SCN8A: variants seen among roughly 807,000 people sequenced by gnomAD.
SCN8A encodes the protein sodium channel protein type 8 subunit alpha.
Under a neutral mutation model 184.1 loss-of-function variants are expected in SCN8A, and 30 were observed. The ratio of observed to expected loss-of-function variants is 0.16; its 90% CI spans 0.12 to 0.22. SCN8A has a LOEUF of 0.22. SCN8A is among the 10% of genes least tolerant of loss of function. The pLI, the probability that SCN8A is intolerant of heterozygous loss-of-function variation, is 1.00. For missense variants in SCN8A, 1,057 were observed against 2,498.9 expected, an observed-to-expected ratio of 0.42 and a Z score of 12.30; for synonymous variants, 852 against 907.0, an observed-to-expected ratio of 0.94 and a Z score of 1.09.
At chr12:51,770,346 C>A in intron 18 of SCN8A, 183 bp from the exon 19 acceptor site, 1 of 672,752 alleles carries the variant, frequency 1.5e-6, no homozygotes, top group Non-Finnish European at 2.5e-6. Context: ...GCCCCATTAG[C>A]CTTTGCAGCA....
chr12:51,698,395 G>C (rs1172265144), intron 6 of SCN8A, among the ~76,000 whole-genome samples: 1 of 152,230 alleles, frequency 6.6e-6, no homozygotes, highest in Non-Finnish European at 1.5e-5. Flanking sequence ...CTTGCCTTCA[G>C]AAGTGAGCAG....
At chr12:51,637,246 C>G (rs1340962641) in intron 1 of SCN8A, among the ~76,000 whole-genome samples, 7 of 152,156 alleles carry the variant, frequency 4.6e-5, no homozygotes, top group African/African-American at 1.7e-4. Context: ...TTCCCTGAGA[C>G]ACAACAATAT....
intron 1 of SCN8A, among the ~76,000 whole-genome samples, chr12:51,644,216 G>T (rs955633897): frequency 1.3e-5 from 2 of 152,188 alleles, no homozygotes; most frequent in Admixed American, 1.3e-4. Flanking sequence ...TAGAAGGGAT[G>T]CAGGGAAGGG....
chr12:51,800,984 G>A lies in SCN8A; in HGVS notation c.4796-5298G>A, dbSNP rs535288637. Reference sequence around the variant, plus strand: ...TACGCTGGTTCAAGTCTGGAAATTGGTTGAGGGGGCATGATTCTCTATTTT... The same window carrying A: ...TACGCTGGTTCAAGTCTGGAAATTGATTGAGGGGGCATGATTCTCTATTTT... On this transcript the variant is annotated intron_variant, in intron 26 of 26. Coordinates refer to ENST00000627620, the MANE Select transcript of SCN8A (RefSeq NM_001330260.2). Among the ~76,000 whole-genome samples the A allele has an allele frequency of 1.4e-4, 22 of 152,326 alleles. No individual in the cohort carries two copies. In the South Asian group the frequency reaches 4.6e-3, roughly 32 times the overall value.
chr12:51,668,933 A>G (rs1223680746), intron 2 of SCN8A, among the ~76,000 whole-genome samples: 1 of 152,228 alleles, frequency 6.6e-6, no homozygotes, highest in Non-Finnish European at 1.5e-5. Flanking sequence ...TGAATGTCAC[A>G]GAGTGTACTT....
Position 51,774,312 on chromosome 12 carries a change from G to A in SCN8A, c.3769G>A (p.Val1257Ile), listed in dbSNP as rs750829844. ...GCTCAAGTGGACAGCCTATGGCTTC[G>A]TCAAGTTCTTCACCAATGCCTGGTG... is the stretch of plus-strand genomic sequence containing the variant. ...MLLKWTAYGFVKFFTNAWCWL... is the reference protein window; with the variant it reads ...MLLKWTAYGFIKFFTNAWCWL... Residue 1257 changes from valine (V) to isoleucine (I), a missense_variant, in exon 20 of 27, where the codon GTC becomes ATC. This residue lies in a region of SCN8A where 43 missense variants were observed against 118.4 expected (regional missense o/e 0.36). Coordinates refer to ENST00000627620, the MANE Select transcript of SCN8A (RefSeq NM_001330260.2). 2.4e-5 allele frequency: 38 copies of A among 1,613,192 alleles called. No individual in the cohort carries two copies. The highest frequency in any genetic ancestry group is 1.2e-4 in the African/African-American group (9 of 74,916).
chr12:51,797,183 C>T (rs935422002), intron 26 of SCN8A, among the ~76,000 whole-genome samples: 4 of 152,148 alleles, frequency 2.6e-5, no homozygotes, highest in South Asian at 2.1e-4. Flanking sequence ...CAAATAAATA[C>T]AATAATAAGG....
chr12:51,643,129 G>A (rs1940492270), intron 1 of SCN8A, among the ~76,000 whole-genome samples: 1 of 152,046 alleles, frequency 6.6e-6, no homozygotes, highest in African/African-American at 2.4e-5. Flanking sequence ...AACTTCATGC[G>A]AGCTGTCAGT....
intron 1 of SCN8A, among the ~76,000 whole-genome samples, chr12:51,596,197 A>G (rs994678682): frequency 2.0e-5 from 3 of 152,142 alleles, no homozygotes; most frequent in Non-Finnish European, 4.4e-5. Context: ...AGGTTTCCCC[A>G]CTGTATAGTC....
In SCN8A at chr12:51,806,216, A is replaced by T. The variant is rs552563433; in HGVS notation, c.4796-66A>T. ...ACCTAAGGGTTCCACAATGCCAGGT[A>T]AAAAAAATAAAGAGAAAGGGTGTCT... On this transcript the variant is annotated intron_variant, in intron 26 of 26. Transcript: ENST00000627620. This position sits in a 1 kb window ranked among gnomAD's most constrained non-coding sequence, Gnocchi z 8.7. The T allele has an allele frequency of 3.8e-4, 521 of 1,362,166 alleles. No individual in the cohort carries two copies. The highest frequency in any genetic ancestry group is 4.8e-4 in the Non-Finnish European group (485 of 1,012,648). 84.4% of individuals were successfully genotyped at this position (1,362,166 alleles called of 1,614,324 possible).
At position 51,811,544 on chromosome 12, in the gene SCN8A, C is replaced by T. The variant is rs1592178327; in HGVS notation, c.*4115C>T. On this transcript the variant is annotated 3_prime_UTR_variant, in exon 27 of 27. Coordinates refer to ENST00000627620, the MANE Select transcript of SCN8A (RefSeq NM_001330260.2). Reference sequence around the variant, plus strand: ...ACAGCCTCCACTCTGCAAGCTCATACTGGGCCCTGCCCTCCATCGCCCCAG... The same window carrying T: ...ACAGCCTCCACTCTGCAAGCTCATATTGGGCCCTGCCCTCCATCGCCCCAG... 6.6e-6 allele frequency: 1 copy of T among 152,390 alleles called. No homozygotes were observed. Among genetic ancestry groups the T allele is most frequent in the Non-Finnish European group, 1.5e-5 (1 of 68,146 alleles). 9.4% of individuals were successfully genotyped at this position (152,390 alleles called of 1,614,324 possible).
At chr12:51,664,291 T>C (rs1405749147) in intron 2 of SCN8A, among the ~76,000 whole-genome samples, 1 of 151,878 alleles carries the variant, frequency 6.6e-6, no homozygotes, top group African/African-American at 2.4e-5. Flanking sequence ...CACTGCGACC[T>C]CTGCTTCCTG....
chr12:51,769,167 C>T lies in SCN8A; in HGVS notation c.3204C>T (p.Ser1068=), dbSNP rs201045619. 235 of 1,613,370 alleles carry T rather than the reference C, an allele frequency of 1.5e-4. No homozygotes were observed. The African/African-American group carries it at 2.1e-3, about 14-fold the overall frequency. ...DFQKNGNGTT[S]GIGSSVEKYI... is the part of the protein sequence containing the mutation. ...AGAAGAATGGCAATGGCACAACCAGCGGCATTGGCAGCAGCGTGGAGAAGT... is the reference window on the plus strand; with the variant it reads ...AGAAGAATGGCAATGGCACAACCAGTGGCATTGGCAGCAGCGTGGAGAAGT... Residue 1068 remains serine, a synonymous_variant, in exon 17 of 27, where the codon AGC becomes AGT. Coordinates refer to ENST00000627620, the MANE Select transcript of SCN8A (RefSeq NM_001330260.2).
At chr12:51,663,854 C>T (rs1940973403) in intron 2 of SCN8A, among the ~76,000 whole-genome samples, 1 of 147,852 alleles carries the variant, frequency 6.8e-6, no homozygotes, top group African/African-American at 2.5e-5. Flanking sequence ...ATAATTGAAT[C>T]TTGAGGACTG....
chr12:51,765,255 G>A (rs1169215919), intron 15 of SCN8A, among the ~76,000 whole-genome samples: 2 of 152,030 alleles, frequency 1.3e-5, no homozygotes, highest in African/African-American at 4.8e-5. Context: ...TTTTTAAGGA[G>A]ATGGATTTTT....
chr12:51,702,404 C>T (rs1443059017), intron 8 of SCN8A, among the ~76,000 whole-genome samples: 2 of 151,482 alleles, frequency 1.3e-5, no homozygotes, highest in East Asian at 3.9e-4. Flanking sequence ...TTGAATTGCA[C>T]ATTGATATGA....
intron 26 of SCN8A, among the ~76,000 whole-genome samples, chr12:51,797,923 A>G (rs1206811355): frequency 6.6e-6 from 1 of 152,194 alleles, no homozygotes; most frequent in Non-Finnish European, 1.5e-5. Context: ...GCAGAACATA[A>G]TGTCGCAGGA....
At chr12:51,723,692 A>G (rs1239436295) in intron 12 of SCN8A, among the ~76,000 whole-genome samples, 2 of 152,130 alleles carry the variant, frequency 1.3e-5, no homozygotes. Context: ...CCTGGCCAAC[A>G]TGGTTTGAAA....
intron 19 of SCN8A, among the ~76,000 whole-genome samples, chr12:51,773,045 A>G (rs2138876492): frequency 6.6e-6 from 1 of 151,868 alleles, no homozygotes; most frequent in South Asian, 2.1e-4. Context: ...TGAACCCGGG[A>G]GGTGGAGGTT....
Sources: gnomAD v4.1 joint callset for allele counts (sites outside exome capture counted in the v4.1 genomes callset) on GRCh38, gnomAD v4.1.1 for gene constraint, gnomAD v4.1.1 regional missense constraint, Gnocchi (gnomAD v3.1) non-coding constraint, MANE v1.5 for transcripts, NCBI Gene and HGNC (gene_info 2026-07-23, HGNC 2026-07-21) for gene names.